Variants in SYT9 observed in about 807,000 individuals in gnomAD.
The protein encoded by SYT9 is synaptotagmin 9, also known as synaptotagmin-9.
SYT9 carries 22 observed loss-of-function variants against 48.4 expected under a neutral mutation model. That is an observed-to-expected ratio of 0.45 (90% CI 0.32 to 0.65). The LOEUF (loss-of-function observed/expected upper bound fraction) is 0.65. Among genes scored for constraint, SYT9 ranks in the 30% least tolerant of loss-of-function variants. The probability of loss-of-function intolerance (pLI) is 0.03; values close to 1 mark genes in which losing one functional copy is unlikely to be tolerated. For missense variants in SYT9, 577 were observed against 622.0 expected (o/e 0.93, Z 0.77); for synonymous variants, 265 against 245.0 (o/e 1.08, Z -0.76).
chr11:7,373,917 GA>G (rs1850407119), intron 3 of SYT9, among the ~76,000 whole-genome samples: 1 of 151,920 alleles, frequency 6.6e-6, no homozygotes, highest in African/African-American at 2.4e-5. Context: ...TTGTCCTAGA[GA>G]GTTCTTTTAT....
chr11:7,433,630 G>C (rs1847650958), intron 6 of SYT9, among the ~76,000 whole-genome samples: 1 of 152,166 alleles, frequency 6.6e-6, no homozygotes, highest in Non-Finnish European at 1.5e-5. Context: ...TAGGTTATGA[G>C]GGCTCTGCCT....
At chr11:7,240,990 G>A (rs1034903131) in intron 1 of SYT9, among the ~76,000 whole-genome samples, 4 of 152,074 alleles carry the variant, frequency 2.6e-5, no homozygotes, top group Non-Finnish European at 5.9e-5. Flanking sequence ...GCTGTTCACT[G>A]ACAAACCTGA....
At chr11:7,362,127 TTTTTATTTTA>T (rs1372196474) in intron 3 of SYT9, among the ~76,000 whole-genome samples, 1 of 145,670 alleles carries the variant, frequency 6.9e-6, no homozygotes, top group Non-Finnish European at 1.5e-5. Context: ...CTTTCTTTCT[TTTTTATTTTA>T]TTTTATTTTT....
At chr11:7,272,211 CAT>C (rs2133888410) in intron 1 of SYT9, among the ~76,000 whole-genome samples, 2 of 152,250 alleles carry the variant, frequency 1.3e-5, no homozygotes, top group African/African-American at 4.8e-5. Flanking sequence ...TGAGTAAGGT[CAT>C]GACTTTGGGA....
upstream of SYT9, among the ~76,000 whole-genome samples, chr11:7,247,581 A>ATATATG (rs1847807498): frequency 1.4e-5 from 2 of 146,688 alleles, no homozygotes; most frequent in Admixed American, 1.4e-4. Context: ...ACATATACAT[A>ATATATG]TATATGTGTA....
intron 6 of SYT9, chr11:7,461,326 C>T (rs1848232298): frequency 6.6e-6 from 1 of 151,960 alleles, no homozygotes; most frequent in Non-Finnish European, 1.5e-5. Flanking sequence ...TTCTTTTGAC[C>T]ACACTGAGCC....
At chr11:7,367,975 T>C (rs1244091468) in intron 3 of SYT9, among the ~76,000 whole-genome samples, 1 of 152,236 alleles carries the variant, frequency 6.6e-6, no homozygotes, top group Non-Finnish European at 1.5e-5. Context: ...CATACTGTTA[T>C]AACTCATTTT....
intron 3 of SYT9, among the ~76,000 whole-genome samples, chr11:7,402,529 C>T (rs779451204): frequency 6.6e-6 from 1 of 152,070 alleles, no homozygotes. Context: ...GATGCATACA[C>T]ATTTATAATT....
chr11:7,348,139 C>T (rs1322641516), intron 3 of SYT9, among the ~76,000 whole-genome samples: 1 of 152,178 alleles, frequency 6.6e-6, no homozygotes, highest in African/African-American at 2.4e-5. Flanking sequence ...CAATGTTTAA[C>T]AATTATGGTT....
intron 6 of SYT9, among the ~76,000 whole-genome samples, chr11:7,434,596 G>A (rs1337890872): frequency 2.0e-5 from 3 of 152,114 alleles, no homozygotes; most frequent in Admixed American, 1.3e-4. Context: ...CCAAGGCCCC[G>A]TGGCTATGGA....
At chr11:7,249,780 A>G (rs576779692), upstream of SYT9, among the ~76,000 whole-genome samples, 3 of 152,324 alleles carry the variant, frequency 2.0e-5, no homozygotes, top group African/African-American at 7.2e-5. Context: ...CCTAGGCACA[A>G]AAATGTTAAC....
intron 1 of SYT9, among the ~76,000 whole-genome samples, chr11:7,245,706 G>A (rs1323845276): frequency 6.6e-6 from 1 of 152,134 alleles, no homozygotes. Flanking sequence ...CATCGTAGAT[G>A]GTGGAAGGGC....
chr11:7,333,254 A>C (rs112275518), intron 3 of SYT9, among the ~76,000 whole-genome samples: 1 of 152,142 alleles, frequency 6.6e-6, no homozygotes, highest in Non-Finnish European at 1.5e-5. Context: ...GCTGTTTTGG[A>C]AAGTGGCCAT....
At chr11:7,439,959 G>A (rs1847798652) in intron 6 of SYT9, 1 of 152,220 alleles carries the variant, frequency 6.6e-6, no homozygotes, top group Admixed American at 6.5e-5. Flanking sequence ...ACTTAGAAAT[G>A]TCAGGGAAAT....
At chr11:7,344,598 G>T (rs180720167) in intron 3 of SYT9, among the ~76,000 whole-genome samples, 222 of 152,198 alleles carry the variant, frequency 1.5e-3, no homozygotes, top group African/African-American at 5.1e-3. Flanking sequence ...ATGGTTTGAA[G>T]TTCTTTCTTG....
At chr11:7,429,443 C>G (rs912772729) in intron 6 of SYT9, among the ~76,000 whole-genome samples, 2 of 152,164 alleles carry the variant, frequency 1.3e-5, no homozygotes, top group Non-Finnish European at 2.9e-5. Context: ...CCCATAGATA[C>G]AAAGAAACCA....
intron 1 of SYT9, among the ~76,000 whole-genome samples, chr11:7,269,760 G>T (rs1244699248): frequency 6.6e-6 from 1 of 152,174 alleles, no homozygotes; most frequent in East Asian, 1.9e-4. Context: ...GCTACAAGAA[G>T]GTTGAGAAAT....
At chr11:7,259,049 A>C (rs1214434452) in intron 1 of SYT9, among the ~76,000 whole-genome samples, 1 of 152,110 alleles carries the variant, frequency 6.6e-6, no homozygotes, top group Non-Finnish European at 1.5e-5. Context: ...ACGACAGGGA[A>C]TATTGCATGG....
intron 1 of SYT9, among the ~76,000 whole-genome samples, chr11:7,272,067 A>G (rs1848307521): frequency 6.6e-6 from 1 of 152,244 alleles, no homozygotes; most frequent in African/African-American, 2.4e-5. Context: ...TGGGCAGTCC[A>G]TGTAAACTGA....
Sources: gnomAD v4.1 joint callset for allele counts (sites outside exome capture counted in the v4.1 genomes callset) on GRCh38, gnomAD v4.1.1 for gene constraint, MANE v1.5 for transcripts, NCBI Gene and HGNC (gene_info 2026-07-23, HGNC 2026-07-21) for gene names.